Variants in ABCB1 observed in about 807,000 individuals in gnomAD.
ABCB1 encodes the protein ATP-dependent translocase ABCB1.
Under a neutral mutation model 142.0 loss-of-function variants are expected in ABCB1, and 69 were observed. The observed-to-expected ratio is 0.49, with a 90% confidence interval of 0.40 to 0.59. The LOEUF (loss-of-function observed/expected upper bound fraction) is 0.59, where lower values mean the gene tolerates loss of function less well. Ranked by LOEUF, ABCB1 falls within the 20% of genes least tolerant of loss-of-function variation. The pLI is 0.00. For synonymous variants in ABCB1, 532 were observed against 539.2 expected (o/e 0.99, Z 0.18); for missense variants, 1,326 against 1,554.7 (o/e 0.85, Z 2.47).
intron 1 of ABCB1, chr7:87,700,519 G>A: frequency 6.2e-7 from 1 of 1,613,136 alleles, no homozygotes; most frequent in Non-Finnish European, 8.5e-7. Flanking sequence ...CTGCAGCATT[G>A]AAAATATGGA....
chr7:87,651,844 A>G (rs1419326501), intron 1 of ABCB1, among the ~76,000 whole-genome samples: 1 of 152,116 alleles, frequency 6.6e-6, no homozygotes, highest in African/African-American at 2.4e-5. Flanking sequence ...ACTACATGGG[A>G]GAAAAAATAT....
chr7:87,577,334 G>A (rs1278973141), intron 4 of ABCB1, among the ~76,000 whole-genome samples: 1 of 152,130 alleles, frequency 6.6e-6, no homozygotes, highest in African/African-American at 2.4e-5. Flanking sequence ...CACTTAGGTT[G>A]CTCCCAAATC....
chr7:87,709,952 T>C (rs1262117635), intron 1 of ABCB1, among the ~76,000 whole-genome samples: 1 of 152,198 alleles, frequency 6.6e-6, no homozygotes, highest in African/African-American at 2.4e-5. Flanking sequence ...TGCTAGAATA[T>C]GCTGGCTTCT....
At chr7:87,548,035 T>TAAGAAAAGAA (rs1232708354) in intron 14 of ABCB1, among the ~76,000 whole-genome samples, 1 of 131,524 alleles carries the variant, frequency 7.6e-6, no homozygotes, top group Non-Finnish European at 1.6e-5. Flanking sequence ...AAAGATAAGA[T>TAAGAAAAGAA]AAGATAAGAA....
intron 21 of ABCB1, chr7:87,522,099 T>C: frequency 7.9e-7 from 1 of 1,269,322 alleles, no homozygotes; most frequent in Non-Finnish European, 1.1e-6. Flanking sequence ...TCGGTGGGAA[T>C]GACAACTTTG....
At position 87,544,360 on chromosome 7, in the gene ABCB1, A is replaced by G. The variant is rs1816677492; in HGVS notation, c.2065-85T>C. The G allele has an allele frequency of 3.0e-6, 4 of 1,312,012 alleles. No homozygotes were observed. The East Asian group carries it at 6.9e-5, about 23-fold the overall frequency. The allele number at this position is 1,312,012 out of a possible 1,614,324, so 81.3% of individuals were successfully genotyped here. A position where few individuals can be genotyped will look rare whatever the true frequency, so the allele number is the denominator to read the frequency against. ...CATACGCACAAAAATTAGTAAAGGA[A>G]TATATCCTATCCTTATTCCTTATCA... On this transcript the variant is annotated intron_variant, in intron 16 of 27. Coordinates refer to ENST00000622132, the MANE Select transcript of ABCB1 (RefSeq NM_001348946.2).
chr7:87,525,871 A>G (rs771892734), intron 21 of ABCB1, among the ~76,000 whole-genome samples: 2 of 152,168 alleles, frequency 1.3e-5, no homozygotes, highest in African/African-American at 2.4e-5. Context: ...AAATGTTTCA[A>G]TATGGTACCA....
At chr7:87,512,787 C>A (rs1815074390) in intron 25 of ABCB1, among the ~76,000 whole-genome samples, 1 of 152,160 alleles carries the variant, frequency 6.6e-6, no homozygotes, top group African/African-American at 2.4e-5. Context: ...TTTCCAAGCC[C>A]TAGTGCAAAT....
chr7:87,535,320 C>G (rs1816241645), intron 20 of ABCB1, among the ~76,000 whole-genome samples: 1 of 149,038 alleles, frequency 6.7e-6, no homozygotes, highest in South Asian at 2.1e-4. Flanking sequence ...TTTATTCCAG[C>G]CACTCTGTCT....
chr7:87,632,772 CAG>C (rs1390827893), intron 1 of ABCB1, among the ~76,000 whole-genome samples: 2 of 152,070 alleles, frequency 1.3e-5, no homozygotes, highest in Non-Finnish European at 2.9e-5. Flanking sequence ...GTTTTGGTGG[CAG>C]AGTATTAAAA....
intron 1 of ABCB1, among the ~76,000 whole-genome samples, chr7:87,629,982 C>A (rs1821044540): frequency 6.6e-6 from 1 of 151,232 alleles, no homozygotes; most frequent in East Asian, 1.9e-4. Context: ...TGGTTTTTAA[C>A]ATGCTGATAT....
chr7:87,627,316 C>A (rs955487541), intron 1 of ABCB1, among the ~76,000 whole-genome samples: 7 of 152,180 alleles, frequency 4.6e-5, no homozygotes, highest in Non-Finnish European at 7.4e-5. Flanking sequence ...TATATATTCT[C>A]TGACATTCTT....
chr7:87,589,156 C>G (rs1224533731), intron 3 of ABCB1, among the ~76,000 whole-genome samples: 7 of 152,084 alleles, frequency 4.6e-5, no homozygotes. Context: ...GTCAAATGCC[C>G]TCACTCTGTA....
chr7:87,545,247 A>G (rs576704211), intron 15 of ABCB1, among the ~76,000 whole-genome samples: 1 of 152,344 alleles, frequency 6.6e-6, no homozygotes, highest in African/African-American at 2.4e-5. Flanking sequence ...CATTCATTCC[A>G]TGTATCTTAT....
In ABCB1 at chr7:87,519,335, T is replaced by G. The variant is rs149638669; in HGVS notation, c.2918A>C (p.Asp973Ala). The change falls in exon 23 of 28, where the codon GAT (aspartate) becomes GCT (alanine). Residue 973 changes from aspartate (D) to alanine (A), a missense_variant. Physicochemically the swap from Asp to Ala is moderately radical, Grantham distance 126. Coordinates refer to ENST00000622132, the MANE Select transcript of ABCB1 (RefSeq NM_001348946.2). ...LVAHKLMSFE[D>A]VLLVFSAVVF... The stretch of plus-strand genomic sequence containing the variant: ...ATAGCCCAATACTTACAACAGAACA[T>G]CCTCAAAGCTCATGAGTTTATGTGC... The G allele has an allele frequency of 1.2e-5, 20 of 1,613,984 alleles. No homozygotes were observed. Among genetic ancestry groups the G allele is most frequent in the Non-Finnish European group, 5.9e-6 (7 of 1,179,926 alleles).
chr7:87,659,065 G>T (rs1824425341), intron 1 of ABCB1, among the ~76,000 whole-genome samples: 1 of 152,024 alleles, frequency 6.6e-6, no homozygotes, highest in Non-Finnish European at 1.5e-5. Flanking sequence ...GAGGTGGGAG[G>T]ATCACTTAAG....
intron 1 of ABCB1, among the ~76,000 whole-genome samples, chr7:87,670,980 T>C (rs780802312): frequency 1.3e-5 from 2 of 152,234 alleles, no homozygotes; most frequent in Admixed American, 1.3e-4. Context: ...TCAGTGTTTA[T>C]GTTTCTTTCT....
intron 3 of ABCB1, 85 bp from the exon 4 acceptor site, chr7:87,585,765 A>C: frequency 6.9e-7 from 1 of 1,458,184 alleles, no homozygotes; most frequent in Non-Finnish European, 9.4e-7. Flanking sequence ...TATATCCAAA[A>C]TCCAAACATT....
chr7:87,574,960 T>G (rs1818213178), intron 4 of ABCB1, among the ~76,000 whole-genome samples: 1 of 152,162 alleles, frequency 6.6e-6, no homozygotes, highest in Admixed American at 6.6e-5. Context: ...TTCAAAAAAT[T>G]TACGAGTGGT....
Sources: allele counts gnomAD v4.1 joint callset (sites outside exome capture counted in the v4.1 genomes callset), GRCh38; gene constraint gnomAD v4.1.1; transcripts MANE v1.5; gene names NCBI Gene and HGNC (gene_info 2026-07-23, HGNC 2026-07-21).